Variants in L3MBTL3 observed in about 807,000 individuals in gnomAD.
L3MBTL3 encodes the protein L3MBTL histone methyl-lysine binding protein 3, also known as lethal(3)malignant brain tumor-like protein 3.
A neutral mutation model predicts 102.3 loss-of-function variants in L3MBTL3; 27 were observed. That is an observed-to-expected ratio of 0.26 (90% CI 0.19 to 0.36). The LOEUF is 0.36. Ranked by LOEUF, L3MBTL3 falls within the 10% of genes least tolerant of loss-of-function variation. The pLI is 1.00. For missense variants in L3MBTL3, 798 were observed against 955.3 expected (o/e 0.84, Z 2.17); for synonymous variants, 340 against 320.9 (o/e 1.06, Z -0.64).
chr6:130,090,941 T>C (rs1313875267), intron 16 of L3MBTL3, among the ~76,000 whole-genome samples: 2 of 152,158 alleles, frequency 1.3e-5, no homozygotes, highest in Non-Finnish European at 2.9e-5. Flanking sequence ...ATGTTTTGGA[T>C]AATGAGCTAT....
In L3MBTL3 at chr6:130,055,264, A is replaced by T. The variant is rs759884911; in HGVS notation, c.667+9A>T. ...GGCTGTACTAAAGCAGGGTGAGCTG[A>T]TGAAAATAAAGTCTTACTTGTAACT... On this transcript the variant is annotated intron_variant, in intron 8 of 22. Coordinates refer to ENST00000361794, the MANE Select transcript of L3MBTL3 (RefSeq NM_032438.4). 1 of 1,603,192 alleles carries T rather than the reference A, an allele frequency of 6.2e-7. No homozygotes were observed. Among genetic ancestry groups the T allele is most frequent in the South Asian group, 1.1e-5 (1 of 89,322 alleles).
intron 1 of L3MBTL3, among the ~76,000 whole-genome samples, chr6:130,020,029 G>C (rs894331197): frequency 3.4e-5 from 5 of 145,924 alleles, no homozygotes; most frequent in South Asian, 4.2e-4. Flanking sequence ...GCGGGCTTGT[G>C]GGGGGAGGGT....
At chr6:130,116,423 G>T (rs1785680284) in intron 19 of L3MBTL3, among the ~76,000 whole-genome samples, 1 of 116,568 alleles carries the variant, frequency 8.6e-6, no homozygotes, top group Non-Finnish European at 2.0e-5. Flanking sequence ...CACTTCCTAA[G>T]ATCATATGTG....
chr6:130,102,931 C>G (rs530729489), intron 18 of L3MBTL3, among the ~76,000 whole-genome samples: 32 of 152,326 alleles, frequency 2.1e-4, no homozygotes, highest in African/African-American at 7.5e-4. Flanking sequence ...GGAATATCAG[C>G]TCCGTGAAAC....
At chr6:130,072,160 A>G (rs927532079) in intron 13 of L3MBTL3, among the ~76,000 whole-genome samples, 1 of 151,680 alleles carries the variant, frequency 6.6e-6, no homozygotes, top group Non-Finnish European at 1.5e-5. Context: ...TAGCAATACA[A>G]TAATAAAAAT....
intron 19 of L3MBTL3, among the ~76,000 whole-genome samples, chr6:130,108,036 G>T (rs1266453996): frequency 6.6e-6 from 1 of 152,014 alleles, no homozygotes; most frequent in Non-Finnish European, 1.5e-5. Context: ...TAGGAACATG[G>T]GGCACTGCTT....
Position 130,051,351 on chromosome 6 carries a change from A to T in L3MBTL3, c.392A>T (p.Glu131Val). ...ENCCQYGNVD[E>V]CLSGGNYCSQ... ...TGTTGTCAGTATGGCAACGTAGATG[A>T]GTGTCTTTCTGGAGGAAACTATTGC... The change falls in exon 6 of 23, where the codon GAG (glutamate) becomes GTG (valine). Residue 131 changes from glutamate to valine, a missense_variant. Transcript: ENST00000361794. The T allele has an allele frequency of 6.2e-7, 1 of 1,614,032 alleles. No individual in the cohort carries two copies.
chr6:130,081,744 A>G (rs1783370919), intron 14 of L3MBTL3, among the ~76,000 whole-genome samples: 1 of 151,976 alleles, frequency 6.6e-6, no homozygotes. Context: ...CTCTTTAAAC[A>G]TTTTATTTTG....
Position 130,072,466 on chromosome 6 carries a change from G to C in L3MBTL3, c.1244+1339G>C, listed in dbSNP as rs575016526. Among the ~76,000 whole-genome samples, 5 of 152,224 alleles carry C rather than the reference G, an allele frequency of 3.3e-5. No homozygotes were observed. The South Asian group carries it at 8.3e-4, about 25-fold the overall frequency. On this transcript the variant is annotated intron_variant, in intron 13 of 22. Coordinates refer to ENST00000361794, the MANE Select transcript of L3MBTL3 (RefSeq NM_032438.4). ...GCATGACTCTGCTTTAGAATATTTT[G>C]TTTGTTTTTCCCAGCTTTTTTCTGC...
At chr6:130,122,302 A>G (rs1786279333) in intron 20 of L3MBTL3, among the ~76,000 whole-genome samples, 1 of 152,230 alleles carries the variant, frequency 6.6e-6, no homozygotes, top group South Asian at 2.1e-4. Context: ...TTCATAAAGC[A>G]ACCATTTATG....
At chr6:130,086,714 CT>C (rs1173294198) in intron 16 of L3MBTL3, among the ~76,000 whole-genome samples, 1 of 152,072 alleles carries the variant, frequency 6.6e-6, no homozygotes, top group African/African-American at 2.4e-5. Context: ...TCAAATGCCT[CT>C]TAAAAAGTAA....
At chr6:130,129,738 G>C (rs1429661463) in intron 20 of L3MBTL3, among the ~76,000 whole-genome samples, 1 of 152,146 alleles carries the variant, frequency 6.6e-6, no homozygotes, top group African/African-American at 2.4e-5. Context: ...CCAGGCAAAG[G>C]GAGGTGGCTG....
At chr6:130,046,718 T>TA (rs11407151) in intron 3 of L3MBTL3, among the ~76,000 whole-genome samples, 81,628 of 152,072 alleles carry the variant, frequency 0.54, 25,352 homozygotes, top group East Asian at 0.76. Context: ...GGCAAGTTTT[T>TA]TACATATTTT....
rs1344392948 is a variant in L3MBTL3, at chr6:130,133,241, C to T, written c.1967-211C>T. On this transcript the variant is annotated intron_variant, in intron 20 of 22. Transcript: ENST00000361794. The surrounding 1 kb of genome is among the most constrained non-coding windows in gnomAD (Gnocchi z 4.9). Reference sequence around the variant, plus strand: ...TGAAGCATGTCTTTAGTAATGAGTGCTGTAGCAAATGATATCAGTTGAATT... The same window carrying T: ...TGAAGCATGTCTTTAGTAATGAGTGTTGTAGCAAATGATATCAGTTGAATT... Among the ~76,000 whole-genome samples the T allele has an allele frequency of 3.3e-5, 5 of 152,186 alleles. No individual in the cohort carries two copies. Among genetic ancestry groups the T allele is most frequent in the Non-Finnish European group, 7.3e-5 (5 of 68,042 alleles).
At chr6:130,091,189 G>A (rs1435212579) in intron 16 of L3MBTL3, among the ~76,000 whole-genome samples, 2 of 152,120 alleles carry the variant, frequency 1.3e-5, no homozygotes, top group African/African-American at 4.8e-5. Context: ...TACAAAGGCT[G>A]ATCCACTCTG....
At chr6:130,048,466 C>T (rs967722618) in intron 3 of L3MBTL3, among the ~76,000 whole-genome samples, 1 of 152,200 alleles carries the variant, frequency 6.6e-6, no homozygotes, top group African/African-American at 2.4e-5. Context: ...CTTCAACACA[C>T]ACACACAGTA....
At chr6:130,098,426 C>T (rs1392820434) in intron 18 of L3MBTL3, among the ~76,000 whole-genome samples, 1 of 152,104 alleles carries the variant, frequency 6.6e-6, no homozygotes, top group Non-Finnish European at 1.5e-5. Context: ...AGTGGAGTGG[C>T]GCTCAGAGAG....
chr6:130,108,830 T>A (rs980354386), intron 19 of L3MBTL3, among the ~76,000 whole-genome samples: 1 of 152,024 alleles, frequency 6.6e-6, no homozygotes, highest in African/African-American at 2.4e-5. Context: ...CCTTAACTAT[T>A]TGTGCTAATG....
At chr6:130,123,965 G>T (rs1469552858) in intron 20 of L3MBTL3, among the ~76,000 whole-genome samples, 2 of 152,144 alleles carry the variant, frequency 1.3e-5, no homozygotes. Context: ...GACCCCGAGA[G>T]TGTTTTGTGC....
Sources: allele counts gnomAD v4.1 joint callset (sites outside exome capture counted in the v4.1 genomes callset), GRCh38; gene constraint gnomAD v4.1.1; non-coding constraint Gnocchi (gnomAD v3.1); transcripts MANE v1.5; gene names NCBI Gene and HGNC (gene_info 2026-07-23, HGNC 2026-07-21).